The following STPG2 variants were observed in gnomAD, a reference collection of about 807,000 sequenced individuals.
STPG2 encodes the protein sperm tail PG-rich repeat containing 2, also known as sperm-tail PG-rich repeat-containing protein 2.
STPG2 carries 56 observed loss-of-function variants against 54.2 expected under a neutral mutation model. The observed-to-expected ratio is 1.03, with a 90% CI of 0.83 to 1.29. The LOEUF is 1.29. Ranked by LOEUF, STPG2 falls within the 50% of genes most tolerant of loss-of-function variation. STPG2 has a pLI of 0.00. For synonymous variants in STPG2, 200 were observed against 181.8 expected (o/e 1.10, Z -0.81); for missense variants, 596 against 544.9 (o/e 1.09, Z -0.93).
At chr4:97,763,015 G>A (rs759989717) in intron 9 of STPG2, among the ~76,000 whole-genome samples, 4 of 151,892 alleles carry the variant, frequency 2.6e-5, no homozygotes, top group East Asian at 1.9e-4. Context: ...CATTGTTGCC[G>A]TAACAAACTA....
downstream of STPG2, among the ~76,000 whole-genome samples, chr4:97,555,371 G>C (rs1732056073): frequency 6.6e-6 from 1 of 152,046 alleles, no homozygotes; most frequent in Non-Finnish European, 1.5e-5. Context: ...AAAGAACTGG[G>C]AGGAGAAAAT....
chr4:97,774,183 A>G (rs1726303448), intron 9 of STPG2, among the ~76,000 whole-genome samples: 1 of 152,170 alleles, frequency 6.6e-6, no homozygotes, highest in Non-Finnish European at 1.5e-5. Context: ...TCTATTACGT[A>G]TGATATAGTA....
intron 5 of STPG2, among the ~76,000 whole-genome samples, chr4:97,985,699 A>C (rs1734807356): frequency 6.6e-6 from 1 of 152,174 alleles, no homozygotes; most frequent in African/African-American, 2.4e-5. Context: ...CTTTTACTGC[A>C]GAACCATTAT....
chr4:97,937,075 C>A (rs979035271), intron 8 of STPG2, among the ~76,000 whole-genome samples: 2 of 151,930 alleles, frequency 1.3e-5, no homozygotes, highest in Non-Finnish European at 2.9e-5. Flanking sequence ...TTGTTTGTTC[C>A]TTTTAATTCT....
At chr4:97,621,241 CAA>C (rs1332766244) in intron 10 of STPG2, among the ~76,000 whole-genome samples, 1 of 151,972 alleles carries the variant, frequency 6.6e-6, no homozygotes. Context: ...ACTAGAGACA[CAA>C]GAGCAAATAA....
intron 10 of STPG2, among the ~76,000 whole-genome samples, chr4:97,623,224 A>G (rs1734058119): frequency 6.6e-6 from 1 of 152,180 alleles, no homozygotes; most frequent in Non-Finnish European, 1.5e-5. Context: ...CATGATGAAG[A>G]CACCAAAAAC....
At chr4:97,856,685 T>C (rs1430051826) in intron 8 of STPG2, among the ~76,000 whole-genome samples, 1 of 152,192 alleles carries the variant, frequency 6.6e-6, no homozygotes, top group Non-Finnish European at 1.5e-5. Flanking sequence ...GGCCGGAATT[T>C]CCAATACCAT....
intron 8 of STPG2, among the ~76,000 whole-genome samples, chr4:97,890,393 T>C (rs1730722198): frequency 6.6e-6 from 1 of 152,012 alleles, no homozygotes; most frequent in Non-Finnish European, 1.5e-5. Context: ...GTGAAAAGCA[T>C]GCTAGCAAAA....
intron 5 of STPG2, among the ~76,000 whole-genome samples, chr4:98,024,769 T>G (rs1156901660): frequency 6.6e-6 from 1 of 152,246 alleles, no homozygotes; most frequent in Non-Finnish European, 1.5e-5. Context: ...ATATAATTAC[T>G]TTCACTGGCT....
rs1321531402 is a variant in STPG2, at chr4:97,602,332, G to C, written c.1321-43215C>G. On this transcript the variant is annotated intron_variant, in intron 10 of 10. Coordinates refer to ENST00000295268, the MANE Select transcript of STPG2 (RefSeq NM_174952.3). ...TGATGACCTTGTCAGTCAAAGGACA[G>C]TTTTTGTTCTTTAAAACTCCATCCA... 3.3e-5 allele frequency among the ~76,000 whole-genome samples: 5 copies of C among 151,668 alleles called. No homozygotes were observed. The East Asian group carries it at 9.6e-4, about 29-fold the overall frequency.
chr4:97,699,492 T>A (rs1031253051), intron 10 of STPG2, among the ~76,000 whole-genome samples: 3 of 152,216 alleles, frequency 2.0e-5, no homozygotes, highest in Admixed American at 2.0e-4. Context: ...AATTTTCTTA[T>A]GCTTCTTCCA....
chr4:98,084,625 T>C (rs1479660638), intron 5 of STPG2, among the ~76,000 whole-genome samples: 1 of 152,200 alleles, frequency 6.6e-6, no homozygotes, highest in Non-Finnish European at 1.5e-5. Flanking sequence ...GTATTTGATA[T>C]TTCCAGTCTC....
chr4:97,749,529 T>G (rs949438325), intron 9 of STPG2, among the ~76,000 whole-genome samples: 1 of 151,784 alleles, frequency 6.6e-6, no homozygotes, highest in Non-Finnish European at 1.5e-5. Flanking sequence ...TTTAAGTGAA[T>G]ATACTTTATT....
intron 10 of STPG2, among the ~76,000 whole-genome samples, chr4:97,588,171 A>T (rs1733047192): frequency 6.6e-6 from 1 of 151,958 alleles, no homozygotes; most frequent in Non-Finnish European, 1.5e-5. Flanking sequence ...TGAGGTTAGG[A>T]GTTCAAGATC....
intron 10 of STPG2, among the ~76,000 whole-genome samples, chr4:97,593,135 T>A (rs1733188589): frequency 6.6e-6 from 1 of 152,062 alleles, no homozygotes; most frequent in Non-Finnish European, 1.5e-5. Flanking sequence ...GATGCCCAAC[T>A]AGGGTGCTTC....
At chr4:97,605,617 TA>T (rs1733573277) in intron 10 of STPG2, among the ~76,000 whole-genome samples, 1 of 151,698 alleles carries the variant, frequency 6.6e-6, no homozygotes, top group Non-Finnish European at 1.5e-5. Flanking sequence ...TGCATAGAGG[TA>T]TTGTGTTTTA....
intron 10 of STPG2, among the ~76,000 whole-genome samples, chr4:97,629,941 A>G (rs1721216352): frequency 6.6e-6 from 1 of 151,984 alleles, no homozygotes; most frequent in African/African-American, 2.4e-5. Context: ...ATTATTCCAT[A>G]GACAATATCA....
chr4:97,797,697 C>A (rs1727245064), intron 9 of STPG2, among the ~76,000 whole-genome samples: 1 of 152,122 alleles, frequency 6.6e-6, no homozygotes. Context: ...ATGTTGCTGG[C>A]CTCACAAATG....
chr4:98,117,603 C>T (rs934976549), intron 3 of STPG2, among the ~76,000 whole-genome samples: 2 of 151,858 alleles, frequency 1.3e-5, no homozygotes, highest in Non-Finnish European at 1.5e-5. Context: ...GCTCTGAATA[C>T]TCTTCTTCAT....
Sources: gnomAD v4.1 joint callset for allele counts (sites outside exome capture counted in the v4.1 genomes callset) on GRCh38, gnomAD v4.1.1 for gene constraint, MANE v1.5 for transcripts, NCBI Gene and HGNC (gene_info 2026-07-23, HGNC 2026-07-21) for gene names.